Variants in GPC3 observed in about 807,000 individuals in gnomAD.
GPC3 encodes the protein glypican 3.
A neutral mutation model predicts 34.4 loss-of-function variants in GPC3; 3 were observed. The ratio of observed to expected loss-of-function variants is 0.09; its 90% CI spans 0.04 to 0.23. The LOEUF is 0.23. GPC3 is among the 10% of genes least tolerant of loss of function. The probability of loss-of-function intolerance (pLI) is 1.00; values close to 1 mark genes in which losing one functional copy is unlikely to be tolerated. For missense variants in GPC3, 351 were observed against 445.6 expected, an observed-to-expected ratio of 0.79 and a Z score of 1.91; for synonymous variants, 177 against 174.0, an observed-to-expected ratio of 1.02 and a Z score of -0.13.
intron 2 of GPC3, among the ~76,000 whole-genome samples, chrX:133,865,810 A>C (rs2075963650): frequency 8.9e-6 from 1 of 111,963 alleles, no homozygotes; most frequent in African/African-American, 3.2e-5. Context: ...TATACCAACA[A>C]GTTCAACCAA....
intron 3 of GPC3, among the ~76,000 whole-genome samples, chrX:133,704,034 C>A (rs1004533370): frequency 1.8e-5 from 2 of 111,745 alleles, no homozygotes; most frequent in Non-Finnish European, 3.8e-5. Flanking sequence ...GGGCCACATT[C>A]AAAGCCATCT....
At chrX:133,635,465 T>TA (rs1268717266) in intron 6 of GPC3, among the ~76,000 whole-genome samples, 1 of 111,860 alleles carries the variant, frequency 8.9e-6, no homozygotes, top group African/African-American at 3.2e-5. Context: ...AACTGTATTT[T>TA]AAAAAACAGT....
At chrX:133,907,991 A>G (rs181497806) in intron 2 of GPC3, among the ~76,000 whole-genome samples, 35 of 110,731 alleles carry the variant, frequency 3.2e-4, no homozygotes, top group Non-Finnish European at 5.9e-4. Context: ...CGAGTAAAAA[A>G]TGGTATCCCA....
chrX:133,668,158 C>T (rs1014986804), intron 5 of GPC3, among the ~76,000 whole-genome samples: 4 of 110,577 alleles, frequency 3.6e-5, no homozygotes, highest in South Asian at 4.0e-4. Flanking sequence ...CCGCCCACCT[C>T]GGCCTCCCAA....
At chrX:133,883,647 C>G (rs1321062533) in intron 2 of GPC3, among the ~76,000 whole-genome samples, 1 of 111,358 alleles carries the variant, frequency 9.0e-6, no homozygotes, top group African/African-American at 3.3e-5. Context: ...TAAAAGCAGA[C>G]CAGGATATGT....
intron 6 of GPC3, among the ~76,000 whole-genome samples, chrX:133,642,276 G>A (rs2070488472): frequency 8.9e-6 from 1 of 111,807 alleles, no homozygotes; most frequent in East Asian, 2.8e-4. Context: ...CCATATATGT[G>A]CTACTGTACC....
At chrX:133,538,670 T>C (rs1248524168) in intron 7 of GPC3, among the ~76,000 whole-genome samples, 1 of 105,852 alleles carries the variant, frequency 9.4e-6, no homozygotes, top group Non-Finnish European at 1.9e-5. Flanking sequence ...TTGTTTTTTG[T>C]TTTGTTTTGT....
rs148889340 is a variant in GPC3 at position 133,737,749 on chromosome X, T to C, written c.1032+15733A>G. 5.1e-3 allele frequency among the ~76,000 whole-genome samples: 564 copies of C among 111,278 alleles called. 3 individuals carry two copies. Among genetic ancestry groups the C allele is most frequent in the African/African-American group, 0.017 (524 of 30,606 alleles). Reference sequence around the variant, plus strand: ...GTGTAAGATGAGGTATACTAGGGGATGAAGAGAGAATAGTAGTCTCACATA... The same window carrying C: ...GTGTAAGATGAGGTATACTAGGGGACGAAGAGAGAATAGTAGTCTCACATA... On this transcript the variant is annotated intron_variant, in intron 3 of 7. Transcript: ENST00000370818.
At chrX:133,722,043 G>A (rs2071372892) in intron 3 of GPC3, among the ~76,000 whole-genome samples, 1 of 110,686 alleles carries the variant, frequency 9.0e-6, no homozygotes, top group Non-Finnish European at 1.9e-5. Flanking sequence ...TATCTAATAA[G>A]GATCTAGTAC....
rs371525939 is a variant in GPC3 at position 133,655,498 on chromosome X, A to G, written c.1413+6232T>C. On this transcript the variant is annotated intron_variant, in intron 6 of 7. Coordinates refer to ENST00000370818, the MANE Select transcript of GPC3 (RefSeq NM_004484.4). ...CACCCACACACACACACACACACACACACACACCCACACACACACACACAC... is the reference window on the plus strand; with the variant it reads ...CACCCACACACACACACACACACACGCACACACCCACACACACACACACAC... Among the ~76,000 whole-genome samples the G allele has an allele frequency of 2.5e-4, 27 of 108,104 alleles. No homozygotes were observed. In the Admixed American group the frequency reaches 2.7e-3, roughly 11 times the overall value. The allele number at this position is 108,104 out of a possible 115,157, so 93.9% of individuals were successfully genotyped here. A position where few individuals can be genotyped will look rare whatever the true frequency, so the allele number is the denominator to read the frequency against.
intron 5 of GPC3, among the ~76,000 whole-genome samples, chrX:133,666,836 T>C (rs1408550170): frequency 8.9e-6 from 1 of 112,134 alleles, no homozygotes; most frequent in Non-Finnish European, 1.9e-5. Context: ...ACTCTATACA[T>C]GTTCAAATAT....
intron 2 of GPC3, among the ~76,000 whole-genome samples, chrX:133,813,686 A>G (rs1372934044): frequency 3.6e-5 from 4 of 112,433 alleles, no homozygotes; most frequent in Admixed American, 9.4e-5. Context: ...GAGTTTGCAT[A>G]ATTAGTAAAG....
intron 2 of GPC3, among the ~76,000 whole-genome samples, chrX:133,813,160 T>A (rs1184582944): frequency 8.9e-6 from 1 of 112,448 alleles, no homozygotes; most frequent in African/African-American, 3.2e-5. Flanking sequence ...AAGTTTAAGG[T>A]TTTCCCCTTC....
At chrX:133,709,191 T>C (rs1456975838) in intron 3 of GPC3, among the ~76,000 whole-genome samples, 1 of 112,226 alleles carries the variant, frequency 8.9e-6, no homozygotes, top group Non-Finnish European at 1.9e-5. Context: ...AAAAAAGTGC[T>C]TTTCTGAGAA....
intron 5 of GPC3, among the ~76,000 whole-genome samples, chrX:133,681,405 A>T (rs2070942387): frequency 8.9e-6 from 1 of 112,271 alleles, no homozygotes; most frequent in Non-Finnish European, 1.9e-5. Context: ...TTAATCCCTC[A>T]ACTGTTTGGC....
At chrX:133,829,824 TGATAAAA>T (rs1397719943) in intron 2 of GPC3, among the ~76,000 whole-genome samples, 2 of 111,654 alleles carry the variant, frequency 1.8e-5, no homozygotes, top group Admixed American at 9.5e-5. Context: ...CATTACATAA[TGATAAAA>T]GAGTCAATCC....
chrX:133,851,267 A>C (rs1241510360), intron 2 of GPC3, among the ~76,000 whole-genome samples: 1 of 112,175 alleles, frequency 8.9e-6, no homozygotes, highest in Non-Finnish European at 1.9e-5. Context: ...GATACTTCTC[A>C]AATGTAACTT....
At chrX:133,984,268 T>C (rs1036264988) in intron 1 of GPC3, among the ~76,000 whole-genome samples, 1 of 113,522 alleles carries the variant, frequency 8.8e-6, no homozygotes, top group African/African-American at 3.2e-5. Flanking sequence ...CCGTTTCTTC[T>C]CAGTGCACCC....
intron 6 of GPC3, among the ~76,000 whole-genome samples, chrX:133,655,137 A>C (rs1247788524): frequency 9.0e-6 from 1 of 111,394 alleles, no homozygotes; most frequent in Admixed American, 9.6e-5. Context: ...CAAATAGTTC[A>C]TTTTCAAGAA....
Sources: allele counts gnomAD v4.1 joint callset (sites outside exome capture counted in the v4.1 genomes callset), GRCh38; gene constraint gnomAD v4.1.1; transcripts MANE v1.5; gene names NCBI Gene and HGNC (gene_info 2026-07-23, HGNC 2026-07-21).